SUMF1: variants seen among roughly 807,000 people sequenced by gnomAD.
SUMF1 encodes the protein sulfatase modifying factor 1.
In SUMF1, 48 loss-of-function variants were observed where a neutral mutation model predicts 47.6. The ratio of observed to expected loss-of-function variants is 1.01; its 90% CI spans 0.80 to 1.28. The LOEUF (loss-of-function observed/expected upper bound fraction) is 1.28, where lower values mean the gene tolerates loss of function less well. Ranked by LOEUF, SUMF1 falls within the 50% of genes most tolerant of loss-of-function variation. The pLI is 0.00. For missense variants in SUMF1, 571 were observed against 485.4 expected, an observed-to-expected ratio of 1.18 and a Z score of -1.66; for synonymous variants, 230 against 192.1, an observed-to-expected ratio of 1.20 and a Z score of -1.63.
chr3:4,175,887 C>G (rs1559538108), intron 8 of SUMF1, among the ~76,000 whole-genome samples: 1 of 152,048 alleles, frequency 6.6e-6, no homozygotes, highest in Non-Finnish European at 1.5e-5. Flanking sequence ...AACTTCATGA[C>G]ACATGCACAA....
chr3:4,308,038 AT>A (rs1435942788), intron 8 of SUMF1, among the ~76,000 whole-genome samples: 1 of 152,100 alleles, frequency 6.6e-6, no homozygotes, highest in African/African-American at 2.4e-5. Flanking sequence ...AAAAAAAAAA[AT>A]CCCATTCTCC....
intron 8 of SUMF1, among the ~76,000 whole-genome samples, chr3:4,350,750 T>A (rs1019779284): frequency 6.6e-6 from 1 of 152,002 alleles, no homozygotes; most frequent in Non-Finnish European, 1.5e-5. Context: ...GCAGGTCACA[T>A]TCTCTATCTC....
At chr3:4,369,943 A>T (rs1227144270) in intron 8 of SUMF1, among the ~76,000 whole-genome samples, 1 of 152,226 alleles carries the variant, frequency 6.6e-6, no homozygotes, top group Non-Finnish European at 1.5e-5. Flanking sequence ...AATATGCCAG[A>T]TGCTATTTTA....
chr3:4,177,255 C>T lies in SUMF1; in HGVS notation c.1015-108510G>A, dbSNP rs1694986921. On this transcript the variant is annotated intron_variant and NMD_transcript_variant, in intron 8 of 12. Transcript: ENST00000448413. ...ATATATATTCTTCTCAGTACCACAT[C>T]ACAGTTATTCTAAAATTGACCACAT... 1.3e-5 allele frequency among the ~76,000 whole-genome samples: 2 copies of T among 152,128 alleles called. 1 individual carries two copies. The highest frequency in any genetic ancestry group is 4.1e-4 in the South Asian group (2 of 4,830).
intron 8 of SUMF1, among the ~76,000 whole-genome samples, chr3:4,372,726 A>G (rs1032690694): frequency 6.6e-6 from 1 of 152,228 alleles, no homozygotes; most frequent in African/African-American, 2.4e-5. Context: ...GCCCAAGGTC[A>G]CATACCTGGC....
At chr3:4,085,524 G>T (rs1054992252) in intron 8 of SUMF1, among the ~76,000 whole-genome samples, 1 of 152,084 alleles carries the variant, frequency 6.6e-6, no homozygotes, top group East Asian at 1.9e-4. Context: ...GCCTGCAAGA[G>T]ATACCCACAT....
chr3:4,273,309 G>A (rs370234335), intron 8 of SUMF1, among the ~76,000 whole-genome samples: 1 of 151,982 alleles, frequency 6.6e-6, no homozygotes, highest in Non-Finnish European at 1.5e-5. Context: ...AACAAAATGT[G>A]TTATGCCTAT....
chr3:4,440,263 A>ACC (rs1553582454), intron 3 of SUMF1, among the ~76,000 whole-genome samples: 9 of 132,150 alleles, frequency 6.8e-5, no homozygotes, highest in African/African-American at 2.2e-4. Flanking sequence ...AAAAAAAAAA[A>ACC]AGATACTGAG....
chr3:4,266,587 T>G (rs1697199509), intron 8 of SUMF1, among the ~76,000 whole-genome samples: 1 of 152,152 alleles, frequency 6.6e-6, no homozygotes, highest in South Asian at 2.1e-4. Context: ...ATCCTGAGAC[T>G]TTGCTGAAGT....
At chr3:4,457,261 G>A (rs2079686765) in intron 1 of SUMF1, among the ~76,000 whole-genome samples, 1 of 151,618 alleles carries the variant, frequency 6.6e-6, no homozygotes, top group Admixed American at 6.6e-5. Context: ...TTATACTAAT[G>A]ACAAACTATC....
At chr3:4,465,895 C>T (rs1428396307) in intron 1 of SUMF1, among the ~76,000 whole-genome samples, 5 of 152,200 alleles carry the variant, frequency 3.3e-5, no homozygotes, top group Non-Finnish European at 5.9e-5. Flanking sequence ...GTAAAACCTA[C>T]TGTGGATGTT....
chr3:4,184,050 T>G (rs2600113), intron 8 of SUMF1, among the ~76,000 whole-genome samples: 52,032 of 151,476 alleles, frequency 0.34, 9,056 homozygotes, highest in East Asian at 0.4. Context: ...TATGAGAATC[T>G]CTTGAACCTG....
intron 9 of SUMF1, among the ~76,000 whole-genome samples, chr3:4,046,465 C>T (rs1695009500): frequency 1.3e-5 from 2 of 152,156 alleles, no homozygotes; most frequent in African/African-American, 4.8e-5. Flanking sequence ...ATAAATTCCT[C>T]CACAACTCTT....
chr3:4,462,508 C>T (rs964261749), intron 1 of SUMF1, among the ~76,000 whole-genome samples: 2 of 152,136 alleles, frequency 1.3e-5, no homozygotes, highest in Non-Finnish European at 2.9e-5. Flanking sequence ...TATAAATGTC[C>T]CTTCCAGTTT....
At chr3:4,391,111 T>A (rs1264285262) in intron 7 of SUMF1, among the ~76,000 whole-genome samples, 5 of 152,234 alleles carry the variant, frequency 3.3e-5, no homozygotes, top group African/African-American at 1.2e-4. Context: ...TGGTCTCCAC[T>A]GTTTCTGATC....
intron 8 of SUMF1, among the ~76,000 whole-genome samples, chr3:4,230,248 T>C (rs1231136164): frequency 1.3e-5 from 2 of 152,038 alleles, no homozygotes; most frequent in South Asian, 2.1e-4. Context: ...TGACACTAAC[T>C]ACTCAGAGTT....
intron 8 of SUMF1, among the ~76,000 whole-genome samples, chr3:4,101,532 A>G (rs1460446663): frequency 6.6e-6 from 1 of 152,128 alleles, no homozygotes; most frequent in East Asian, 1.9e-4. Flanking sequence ...TGGTCAACAG[A>G]CACAAAGTTA....
At chr3:4,205,109 T>C (rs1276477522) in intron 8 of SUMF1, among the ~76,000 whole-genome samples, 3 of 152,016 alleles carry the variant, frequency 2.0e-5, no homozygotes, top group African/African-American at 7.2e-5. Flanking sequence ...TCCACAGAAG[T>C]GAAAATAGCC....
rs553481466 is a variant in SUMF1, at chr3:4,155,338, T to A, written c.1015-86593A>T. ...CCATGTTTGAGGAATCTCCACTTAA[T>A]GAGTCCTAATGAGGGAAGGGGAGCA... On this transcript the variant is annotated intron_variant and NMD_transcript_variant, in intron 8 of 12. Coordinates refer to the SUMF1 transcript ENST00000448413. 1.5e-4 allele frequency among the ~76,000 whole-genome samples: 23 copies of A among 151,670 alleles called. No individual in the cohort carries two copies. In the East Asian group the frequency reaches 4.4e-3, roughly 29 times the overall value.
Sources: gnomAD v4.1 joint callset for allele counts (sites outside exome capture counted in the v4.1 genomes callset) on GRCh38, gnomAD v4.1.1 for gene constraint, MANE v1.5 for transcripts, NCBI Gene and HGNC (gene_info 2026-07-23, HGNC 2026-07-21) for gene names.